Variants in PLEKHA1 observed in about 807,000 individuals in gnomAD.
PLEKHA1 encodes the protein pleckstrin homology domain-containing family A member 1.
PLEKHA1 carries 34 observed loss-of-function variants against 52.0 expected under a neutral mutation model. The ratio of observed to expected loss-of-function variants is 0.65; its 90% CI spans 0.50 to 0.87. The LOEUF is 0.87. Ranked by LOEUF, PLEKHA1 falls within the 40% of genes least tolerant of loss-of-function variation. PLEKHA1 has a pLI of 0.00. For missense variants in PLEKHA1, 497 were observed against 504.2 expected, an observed-to-expected ratio of 0.99 and a Z score of 0.14; for synonymous variants, 163 against 170.7, an observed-to-expected ratio of 0.95 and a Z score of 0.35.
chr10:122,428,413 C>T (rs2097371334), intron 11 of PLEKHA1: 6 of 1,464,608 alleles, frequency 4.1e-6, no homozygotes, highest in Non-Finnish European at 5.4e-6. Context: ...TACAACTGAT[C>T]ATAGAAAGTT....
chr10:122,400,269 GTTTACATAGTATA>G (rs2096909078), intron 3 of PLEKHA1, 61 bp from the exon 4 acceptor site: 1 of 1,174,632 alleles, frequency 8.5e-7, no homozygotes. Flanking sequence ...ACATGTGGAA[GTTTACATAGTATA>G]TAAGGTTGGT....
chr10:122,381,045 A>G (rs1043277082), intron 1 of PLEKHA1, among the ~76,000 whole-genome samples: 5 of 152,176 alleles, frequency 3.3e-5, no homozygotes, highest in African/African-American at 1.2e-4. Context: ...AAATAAACTA[A>G]TATTTAGGTA....
At chr10:122,384,920 G>T (rs1292921228) in intron 1 of PLEKHA1, among the ~76,000 whole-genome samples, 2 of 152,090 alleles carry the variant, frequency 1.3e-5, no homozygotes, top group Admixed American at 6.5e-5. Flanking sequence ...TCACGCGACT[G>T]CACTGCAGTC....
chr10:122,421,481 A>AT (rs749522874), intron 8 of PLEKHA1: 6 of 152,144 alleles, frequency 3.9e-5, no homozygotes, highest in Admixed American at 6.5e-5. Flanking sequence ...CAGTTTTCTG[A>AT]TTCTGATGAT....
intron 8 of PLEKHA1, chr10:122,420,405 G>A (rs2097242702): frequency 2.0e-5 from 3 of 152,054 alleles, no homozygotes; most frequent in Admixed American, 2.0e-4. Context: ...CATGGAACCT[G>A]CATATACCCA....
chr10:122,398,096 T>G (rs1156467958), intron 3 of PLEKHA1, 122 bp downstream of exon 3: 3 of 704,598 alleles, frequency 4.3e-6, no homozygotes, highest in Non-Finnish European at 7.3e-6. Context: ...CCTATCATAC[T>G]GAAATGGTAC....
At chr10:122,380,475 T>G (rs955818076) in intron 1 of PLEKHA1, among the ~76,000 whole-genome samples, 6 of 152,192 alleles carry the variant, frequency 3.9e-5, no homozygotes, top group African/African-American at 9.7e-5. Flanking sequence ...CAATTTTAGA[T>G]AAGATCTAAA....
At chr10:122,386,354 T>C (rs1390425935) in intron 1 of PLEKHA1, among the ~76,000 whole-genome samples, 2 of 152,146 alleles carry the variant, frequency 1.3e-5, no homozygotes, top group Admixed American at 6.5e-5. Context: ...TATTATTGAA[T>C]TGTAATAATT....
chr10:122,375,161 GC>G (rs1228550934), intron 1 of PLEKHA1, among the ~76,000 whole-genome samples: 2 of 151,838 alleles, frequency 1.3e-5, no homozygotes, highest in African/African-American at 4.8e-5. Flanking sequence ...CGCGGCGGTC[GC>G]GGGGCCGACG....
At chr10:122,380,444 C>CA (rs1565108085) in intron 1 of PLEKHA1, among the ~76,000 whole-genome samples, 1 of 152,124 alleles carries the variant, frequency 6.6e-6, no homozygotes, top group Non-Finnish European at 1.5e-5. Context: ...GTGGAAGTAG[C>CA]AAAACGGTTT....
At chr10:122,399,976 G>C (rs1238774197) in intron 3 of PLEKHA1, among the ~76,000 whole-genome samples, 1 of 152,158 alleles carries the variant, frequency 6.6e-6, no homozygotes, top group Non-Finnish European at 1.5e-5. Context: ...TGTTATTTGG[G>C]AAGAATGCAT....
At chr10:122,434,415 G>A (rs1278644351), downstream of PLEKHA1, 2 of 152,000 alleles carry the variant, frequency 1.3e-5, no homozygotes, top group African/African-American at 2.4e-5. Context: ...GCATCCTGGC[G>A]CCTGTCTTCA....
chr10:122,411,783 G>C (rs2097109918), intron 5 of PLEKHA1: 1 of 151,076 alleles, frequency 6.6e-6, no homozygotes, highest in Non-Finnish European at 1.5e-5. Flanking sequence ...GTGTCCTGTA[G>C]TTCTACCAGT....
At chr10:122,377,985 G>C (rs1381677213) in intron 1 of PLEKHA1, among the ~76,000 whole-genome samples, 1 of 152,118 alleles carries the variant, frequency 6.6e-6, no homozygotes, top group South Asian at 2.1e-4. Context: ...TTCCTACATG[G>C]AACTCTTACC....
At chr10:122,406,544 A>G (rs780371311) in intron 4 of PLEKHA1, 32 bp from the exon 5 acceptor site, 5 of 1,522,578 alleles carry the variant, frequency 3.3e-6, no homozygotes, top group Non-Finnish European at 4.6e-6. Context: ...AATAAGTACA[A>G]TATTTGGTGT....
chr10:122,411,077 CTCT>C (rs2097100274), intron 5 of PLEKHA1, among the ~76,000 whole-genome samples: 1 of 152,186 alleles, frequency 6.6e-6, no homozygotes, highest in Non-Finnish European at 1.5e-5. Context: ...AAGGAAAATT[CTCT>C]TCATTATTTT....
intron 1 of PLEKHA1, among the ~76,000 whole-genome samples, chr10:122,379,676 ACT>A (rs2096588034): frequency 6.6e-6 from 1 of 151,976 alleles, no homozygotes; most frequent in South Asian, 2.1e-4. Flanking sequence ...GCCATGCCTG[ACT>A]CTACAGATAT....
intron 3 of PLEKHA1, 124 bp from the exon 4 acceptor site, chr10:122,400,219 A>G: frequency 1.5e-6 from 1 of 682,368 alleles, no homozygotes; most frequent in Non-Finnish European, 2.3e-6. Flanking sequence ...CTTTAATTTT[A>G]AGTCTGTTTA....
intron 3 of PLEKHA1, among the ~76,000 whole-genome samples, chr10:122,398,593 T>TTGTGTG (rs10653605): frequency 6.8e-6 from 1 of 147,514 alleles, no homozygotes; most frequent in African/African-American, 2.5e-5. Flanking sequence ...CCCTATGGGT[T>TTGTGTG]TGTGTGTGTG....
Sources: allele counts gnomAD v4.1 joint callset (sites outside exome capture counted in the v4.1 genomes callset), GRCh38; gene constraint gnomAD v4.1.1; transcripts MANE v1.5; gene names NCBI Gene and HGNC (gene_info 2026-07-23, HGNC 2026-07-21).